The following WDR90 variants were observed in gnomAD, a reference collection of about 807,000 sequenced individuals.
The protein encoded by WDR90 is WD repeat domain 90.
WDR90 carries 238 observed loss-of-function variants against 195.2 expected under a neutral mutation model. The observed-to-expected ratio is 1.22, with a 90% CI of 1.10 to 1.36. The LOEUF (loss-of-function observed/expected upper bound fraction) is 1.36. Ranked by LOEUF, WDR90 falls within the 40% of genes most tolerant of loss-of-function variation. WDR90 has a pLI of 0.00. For synonymous variants in WDR90, 1,265 were observed against 1,052.4 expected (o/e 1.20, Z -3.91); for missense variants, 2,734 against 2,439.5 (o/e 1.12, Z -2.54).
rs1399491073 is a variant in WDR90, at chr16:660,990, GCCCCTCCCCGCCC to G, written c.3392-56_3392-44del. The G allele has an allele frequency of 3.2e-4, 7 of 21,768 alleles. 1 individual carries two copies. The highest frequency in any genetic ancestry group is 2.0e-3 in the Admixed American group (1 of 488). The allele number at this position is 21,768 out of a possible 1,614,324, so 1.3% of individuals were successfully genotyped here. On this transcript the variant is annotated intron_variant, in intron 28 of 40. Coordinates refer to ENST00000293879, the MANE Select transcript of WDR90 (RefSeq NM_145294.5). ...CGCCCCCTGTTCGGCCCCTCCCCAG[GCCCCTCCCCGCCC>G]CCCCCCCCCCCCGGCCCGGCCTCAG...
rs754464640 is a variant in WDR90, at chr16:651,132, G to T, written c.668+29G>T. 7 of 1,523,542 alleles carry T rather than the reference G, an allele frequency of 4.6e-6. No homozygotes were observed. In the African/African-American group the frequency reaches 8.2e-5, roughly 18 times the overall value. The allele number at this position is 1,523,542 out of a possible 1,614,324, so 94.4% of individuals were successfully genotyped here. On this transcript the variant is annotated intron_variant, in intron 6 of 40. Transcript: ENST00000293879. ...AGTGGTTCTGCTTCTTTCGAGGGAG[G>T]CCTCGGTGGTGGGAGGGTGGGTGGC... is the stretch of plus-strand genomic sequence containing the variant.
At position 657,222 on chromosome 16, in the gene WDR90, G is replaced by T. The variant is rs769449800; in HGVS notation, c.2473+1G>T. 6.5e-7 allele frequency: 1 copy of T among 1,542,846 alleles called. No individual in the cohort carries two copies. The highest frequency in any genetic ancestry group is 8.8e-7 in the Non-Finnish European group (1 of 1,142,242). ...CAGTGGCATGTCCTCCGAGTGGCAG[G>T]TTGGGCCCCCTGCAGCCACTCTGGG... On this transcript the variant is annotated splice_donor_variant, in intron 20 of 40. Coordinates refer to ENST00000293879, the MANE Select transcript of WDR90 (RefSeq NM_145294.5). LOFTEE classifies it high-confidence loss of function.
intron 36 of WDR90, 31 bp from the exon 37 acceptor site, chr16:666,189 G>C: frequency 6.2e-7 from 1 of 1,606,858 alleles, no homozygotes; most frequent in East Asian, 2.2e-5. Flanking sequence ...TCTCCGGGCT[G>C]GGGGCTCACA....
Position 661,921 on chromosome 16 carries a change from G to A in WDR90, c.3895G>A (p.Gly1299Arg), listed in dbSNP as rs868196092. 4 of 1,609,792 alleles carry A rather than the reference G, an allele frequency of 2.5e-6. No homozygotes were observed. In the African/African-American group the frequency reaches 4.0e-5, roughly 16 times the overall value. The change falls in exon 32 of 41, where the codon GGG becomes AGG. Residue 1299 changes from glycine to arginine, a missense_variant. By Grantham distance (125) the Gly-to-Arg change is moderately radical. Coordinates refer to ENST00000293879, the MANE Select transcript of WDR90 (RefSeq NM_145294.5). ...TCGAGAGCCAGTCCCAGAGGCAGTGGGGGCTGGAGAGCTGACCTCGCTCTG... is the reference window on the plus strand; with the variant it reads ...TCGAGAGCCAGTCCCAGAGGCAGTGAGGGCTGGAGAGCTGACCTCGCTCTG... ...VRREPVPEAVGAGELTSLCYG... is the reference protein window; with the variant it reads ...VRREPVPEAVRAGELTSLCYG...
At position 649,403 on chromosome 16, in the gene WDR90, C is replaced by T; in HGVS notation, c.-14C>T. On this transcript the variant is annotated 5_prime_UTR_variant, in exon 1 of 41. Transcript: ENST00000293879. The stretch of plus-strand genomic sequence containing the variant: ...CGCGCGGAGGCCTAGGCGGGAAGCT[C>T]GAGCGGCGGCGCCATGGCCCGAGGT... 1.5e-6 allele frequency: 2 copies of T among 1,315,240 alleles called. No individual in the cohort carries two copies. Among genetic ancestry groups the T allele is most frequent in the Non-Finnish European group, 1.9e-6 (2 of 1,035,062 alleles). 81.5% of individuals were successfully genotyped at this position (1,315,240 alleles called of 1,614,324 possible).
chr16:650,441 C>G (rs1057201256), intron 4 of WDR90, 79 bp downstream of exon 4: 21 of 1,588,898 alleles, frequency 1.3e-5, no homozygotes, highest in Admixed American at 3.4e-5. Flanking sequence ...GGCTCCTCTG[C>G]GGCCTGGAGG....
At chr16:651,157 C>T (rs1395494908) in intron 6 of WDR90, 42 bp from the exon 7 acceptor site, 5 of 1,612,902 alleles carry the variant, frequency 3.1e-6, no homozygotes, top group Non-Finnish European at 4.2e-6. Flanking sequence ...GGGTGGGTGG[C>T]CCTTGGGCCC....
intron 19 of WDR90, 26 bp downstream of exon 19, chr16:656,897 C>T (rs749417936): frequency 6.2e-7 from 1 of 1,606,528 alleles, no homozygotes; most frequent in South Asian, 1.1e-5. Flanking sequence ...GCCACCAGCC[C>T]CACGGAGACC....
rs746472750 is a variant in WDR90, at chr16:653,620, G to C, written c.1329G>C (p.Gly443=). The stretch of plus-strand genomic sequence containing the variant: ...TGCGGCTCTGGGACTTCCAGACCGG[G>C]CGGTGCTTGTGCCTGTTCCGGAGCC... The part of the protein sequence containing the change: ...SVMRLWDFQT[G]RCLCLFRSPM... The change falls in exon 12 of 41, where the codon GGG becomes GGC. Residue 443 remains glycine, a synonymous_variant. Transcript: ENST00000293879. 3 of 1,613,410 alleles carry C rather than the reference G, an allele frequency of 1.9e-6. No individual in the cohort carries two copies. In the African/African-American group the frequency reaches 4.0e-5, roughly 22 times the overall value.
intron 28 of WDR90, 61 bp from the exon 29 acceptor site, chr16:660,990 G>GGCCCCCCCCCCCCC: frequency 4.6e-5 from 1 of 21,756 alleles, no homozygotes; most frequent in Non-Finnish European, 6.6e-5. Flanking sequence ...CCCTCCCCAG[G>GGCCCCCCCCCCCCC]CCCCTCCCCG....
chr16:657,905 C>A lies in WDR90; in HGVS notation c.2604+13C>A. 2 of 1,552,180 alleles carry A rather than the reference C, an allele frequency of 1.3e-6. No homozygotes were observed. Among genetic ancestry groups the A allele is most frequent in the South Asian group, 1.2e-5 (1 of 84,918 alleles). ...CTCCCTTGATGAGGTGAGTCCGCAG[C>A]CCTCCTGGGTCCAGGGAGACTGGGC... On this transcript the variant is annotated intron_variant, in intron 21 of 40. Transcript: ENST00000293879.
rs1204746371 is a variant in WDR90 at position 660,076 on chromosome 16, A to T, written c.3203A>T (p.Asn1068Ile). ...CTGCCAGGCGCCAGGGACACCAGGA[A>T]TTCGGGGGCCCCACGCACCACCTAC... ...EGGDGARDTRNSGAPRTTYLA... is the reference protein window; with the variant it reads ...EGGDGARDTRISGAPRTTYLA... The change falls in exon 27 of 41, where the codon AAT becomes ATT. Residue 1068 changes from asparagine (N) to isoleucine (I), a missense_variant. Coordinates refer to ENST00000293879, the MANE Select transcript of WDR90 (RefSeq NM_145294.5). 1 of 1,546,120 alleles carries T rather than the reference A, an allele frequency of 6.5e-7. No individual in the cohort carries two copies.
Position 658,542 on chromosome 16 carries a change from T to G in WDR90, c.2784T>G (p.Pro928=). The part of the protein sequence containing the change: ...RIIRELPGVH[P]EPCPSLTLSE... The stretch of plus-strand genomic sequence containing the variant: ...TGTTCCAGCTGCCCGGTGTCCACCC[T>G]GAGCCCTGCCCCTCCTTGACGCTCA... The change falls in exon 23 of 41, where the codon CCT becomes CCG. Residue 928 remains proline, a synonymous_variant. Coordinates refer to ENST00000293879, the MANE Select transcript of WDR90 (RefSeq NM_145294.5). The G allele has an allele frequency of 6.2e-7, 1 of 1,612,228 alleles. No individual in the cohort carries two copies.
Position 653,351 on chromosome 16 carries a change from C to T in WDR90, c.1133C>T (p.Thr378Ile). The T allele has an allele frequency of 6.4e-7, 1 of 1,566,576 alleles. No homozygotes were observed. Among genetic ancestry groups the T allele is most frequent in the Non-Finnish European group, 8.6e-7 (1 of 1,157,436 alleles). Residue 378 changes from threonine (T) to isoleucine (I), a missense_variant, in exon 11 of 41, where the codon ACC becomes ATC. Transcript: ENST00000293879. ...GGHGTRQALW[T>I]PDGAAVVYPC... ...GCCCCCTTGTGCCAGGCCCTGTGGA[C>T]CCCAGACGGGGCGGCTGTCGTGTAC...
rs774581910 is a variant in WDR90 at position 661,416 on chromosome 16, C to G, written c.3588C>G (p.Gly1196=). Residue 1196 remains glycine, a synonymous_variant, in exon 30 of 41, where the codon GGC becomes GGG. Coordinates refer to ENST00000293879, the MANE Select transcript of WDR90 (RefSeq NM_145294.5). ...TCCGCGTCTGGGACGTGTCTGGCGG[C>G]CTCTGCCAGCATCTCATTTTCCCCC... is the stretch of plus-strand genomic sequence containing the variant. ...CQIRVWDVSG[G]LCQHLIFPHS... 2.5e-6 allele frequency: 4 copies of G among 1,612,398 alleles called. No individual in the cohort carries two copies. The highest frequency in any genetic ancestry group is 2.5e-6 in the Non-Finnish European group (3 of 1,179,892).
intron 34 of WDR90, 74 bp from the exon 35 acceptor site, chr16:665,605 G>A (rs1401150323): frequency 3.7e-6 from 6 of 1,607,924 alleles, no homozygotes; most frequent in Non-Finnish European, 4.2e-6. Flanking sequence ...CCTGGGGGCT[G>A]GAATAGGAAA....
In WDR90 at chr16:666,578, C is replaced by T. The variant is rs565400892; in HGVS notation, c.4864C>T (p.Pro1622Ser). The T allele has an allele frequency of 1.2e-6, 2 of 1,612,618 alleles. No individual in the cohort carries two copies. Among genetic ancestry groups the T allele is most frequent in the South Asian group, 1.1e-5 (1 of 91,064 alleles). The stretch of plus-strand genomic sequence containing the variant: ...TGAGCTTGTGGACTGGTTGAGTTTC[C>T]CAATGCCTGCCACCACGGAGGTAAA... ...HCELVDWLSFPMPATTETQGH... is the reference protein window; with the variant it reads ...HCELVDWLSFSMPATTETQGH... The change falls in exon 38 of 41, where the codon CCA (proline) becomes TCA (serine). Residue 1622 changes from proline (P) to serine (S), a missense_variant. Coordinates refer to ENST00000293879, the MANE Select transcript of WDR90 (RefSeq NM_145294.5).
rs568180230 is a variant in WDR90 at position 667,801 on chromosome 16, A to G, written c.*212A>G. The G allele has an allele frequency of 3.2e-5, 22 of 697,960 alleles. No homozygotes were observed. Among genetic ancestry groups the G allele is most frequent in the South Asian group, 2.6e-4 (16 of 61,138 alleles). The allele number at this position is 697,960 out of a possible 1,614,324, so 43.2% of individuals were successfully genotyped here. ...TGCCTAAGAAATCTTTAATGTTTCT[A>G]TCTTGTAATAAACATGGGCATTTAT... On this transcript the variant is annotated 3_prime_UTR_variant, in exon 41 of 41. Transcript: ENST00000293879.
rs772289908 is a variant in WDR90, at chr16:655,586, C to T, written c.1732C>T (p.Arg578Cys). 1.4e-5 allele frequency: 23 copies of T among 1,597,650 alleles called. No individual in the cohort carries two copies. The highest frequency in any genetic ancestry group is 5.4e-5 in the African/African-American group (4 of 74,542). Residue 578 changes from arginine to cysteine, a missense_variant, in exon 16 of 41, where the codon CGC (arginine) becomes TGC (cysteine). Physicochemically the swap from Arg to Cys is radical, Grantham distance 180 (BLOSUM62 -3). Transcript: ENST00000293879. ...PSAAMLFVCS[R>C]SGHILEIDCQ... Reference sequence around the variant, plus strand: ...CTCCTCGGGCAGCTTCGTGTGCAGCCGCAGTGGCCACATCTTGGAGATTGA... The same window carrying T: ...CTCCTCGGGCAGCTTCGTGTGCAGCTGCAGTGGCCACATCTTGGAGATTGA...
Sources: allele counts gnomAD v4.1 joint callset, GRCh38; gene constraint gnomAD v4.1.1; transcripts MANE v1.5; gene names NCBI Gene and HGNC (gene_info 2026-07-23, HGNC 2026-07-21).